The following LIN7C variants were observed in gnomAD, a reference collection of about 807,000 sequenced individuals.
LIN7C encodes the protein protein lin-7 homolog C.
In LIN7C, 17 loss-of-function variants were observed where a neutral mutation model predicts 24.7. The ratio of observed to expected loss-of-function variants is 0.69; its 90% CI spans 0.47 to 1.03. The LOEUF (loss-of-function observed/expected upper bound fraction) is 1.03, where lower values mean the gene tolerates loss of function less well. Among genes scored for constraint, LIN7C ranks in the 50% least tolerant of loss-of-function variants. The pLI is 0.00. For synonymous variants in LIN7C, 90 were observed against 83.4 expected (o/e 1.08, Z -0.43); for missense variants, 204 against 239.0 (o/e 0.85, Z 0.97).
intron 4 of LIN7C, 42 bp from the exon 5 acceptor site, chr11:27,498,846 G>A: frequency 6.4e-7 from 1 of 1,554,446 alleles, no homozygotes; most frequent in Non-Finnish European, 8.7e-7. Context: ...TAATATCTAA[G>A]TTTTGAAAGT....
At chr11:27,504,106 C>T (rs887564468) in intron 1 of LIN7C, among the ~76,000 whole-genome samples, 1 of 152,178 alleles carries the variant, frequency 6.6e-6, no homozygotes, top group African/African-American at 2.4e-5. Context: ...GCGTGAGCCA[C>T]TGCGCCTGGC....
At chr11:27,506,507 T>G (rs780573647) in intron 1 of LIN7C, among the ~76,000 whole-genome samples, 1 of 152,170 alleles carries the variant, frequency 6.6e-6, no homozygotes, top group East Asian at 1.9e-4. Flanking sequence ...GAACAGTCCG[T>G]GTGAACAGAG....
intron 1 of LIN7C, 118 bp from the exon 2 acceptor site, chr11:27,502,038 A>G (rs1590442539): frequency 1.4e-5 from 9 of 632,644 alleles, no homozygotes; most frequent in East Asian, 1.1e-4. Context: ...AATCGAGGGG[A>G]AAAAAAGCAT....
chr11:27,506,636 G>C, intron 1 of LIN7C, 80 bp downstream of exon 1: 1 of 1,506,256 alleles, frequency 6.6e-7, no homozygotes, highest in Non-Finnish European at 9.2e-7. Flanking sequence ...TCAGAGCCTG[G>C]GTCACTCCTC....
intron 3 of LIN7C, among the ~76,000 whole-genome samples, chr11:27,500,135 T>A (rs545738349): frequency 9.2e-5 from 14 of 152,288 alleles, no homozygotes; most frequent in African/African-American, 3.4e-4. Flanking sequence ...CACTCTTTTG[T>A]GCAGTCCTGT....
intron 2 of LIN7C, 30 bp from the exon 3 acceptor site, chr11:27,501,596 A>G: frequency 1.3e-6 from 1 of 769,642 alleles, no homozygotes. Context: ...ATCTCAGAAT[A>G]TACCATGCTT....
intron 1 of LIN7C, among the ~76,000 whole-genome samples, chr11:27,504,977 A>G (rs1407436272): frequency 6.6e-6 from 1 of 152,220 alleles, no homozygotes; most frequent in Non-Finnish European, 1.5e-5. Flanking sequence ...ACAGCAAAAA[A>G]CAAAGCCAAG....
chr11:27,494,686 T>A lies in LIN7C; in HGVS notation c.*3963A>T, dbSNP rs1865145759. On this transcript the variant is annotated 3_prime_UTR_variant, in exon 5 of 5. Coordinates refer to ENST00000278193, the MANE Select transcript of LIN7C (RefSeq NM_018362.4). Reference sequence around the variant, plus strand: ...CATCCATTCTGGGTATTACCACAAATTTTAAAAGTAGAAGCATAGCATTTG... The same window carrying A: ...CATCCATTCTGGGTATTACCACAAAATTTAAAAGTAGAAGCATAGCATTTG... The A allele has an allele frequency of 6.6e-6, 1 of 152,218 alleles. No homozygotes were observed. The highest frequency in any genetic ancestry group is 2.4e-5 in the African/African-American group (1 of 41,456). 9.4% of individuals were successfully genotyped at this position (152,218 alleles called of 1,614,324 possible).
intron 1 of LIN7C, among the ~76,000 whole-genome samples, chr11:27,504,110 G>A (rs1184010081): frequency 2.0e-5 from 3 of 152,092 alleles, no homozygotes; most frequent in African/African-American, 7.2e-5. Flanking sequence ...GAGCCACTGC[G>A]CCTGGCCAGA....
At chr11:27,501,435 C>A in intron 3 of LIN7C, 60 bp downstream of exon 3, 1 of 1,008,842 alleles carries the variant, frequency 9.9e-7, no homozygotes, top group South Asian at 1.4e-5. Context: ...TTTAATAACT[C>A]CATATTTTAA....
rs767307714 is a variant in LIN7C, at chr11:27,501,971, C to T, written c.38-51G>A. ...ATTTTCTCCAAGGGTTTTCTCAATG[C>T]CTATGTAACAGTGGGGCAGTTAGGA... is the stretch of plus-strand genomic sequence containing the variant. On this transcript the variant is annotated intron_variant, in intron 1 of 4. Transcript: ENST00000278193. 3.5e-6 allele frequency: 4 copies of T among 1,126,894 alleles called. No individual in the cohort carries two copies. The South Asian group carries it at 3.9e-5, about 11-fold the overall frequency. The allele number at this position is 1,126,894 out of a possible 1,614,324, so 69.8% of individuals were successfully genotyped here. A position where few individuals can be genotyped will look rare whatever the true frequency, so the allele number is the denominator to read the frequency against.
At position 27,498,664 on chromosome 11, in the gene LIN7C, G is replaced by A. The variant is rs757630150; in HGVS notation, c.579C>T (p.Arg193=). The part of the protein sequence containing the change: ...SRFEKMRSAK[R]RQQT The stretch of plus-strand genomic sequence containing the variant: ...TTGAAATGTATTAGGTCTGTTGCCT[G>A]CGTTTTGCTGATCTCATTTTTTCAA... Residue 193 remains arginine (R), a synonymous_variant, in exon 5 of 5, where the codon CGC becomes CGT. Transcript: ENST00000278193. 3 of 1,613,796 alleles carry A rather than the reference G, an allele frequency of 1.9e-6. No homozygotes were observed. Among genetic ancestry groups the A allele is most frequent in the South Asian group, 1.1e-5 (1 of 91,054 alleles).
At chr11:27,499,781 C>T (rs1865205089) in intron 3 of LIN7C, among the ~76,000 whole-genome samples, 1 of 151,626 alleles carries the variant, frequency 6.6e-6, no homozygotes, top group South Asian at 2.1e-4. Flanking sequence ...TGCCACCACG[C>T]CCGGCTAATT....
chr11:27,501,514 C>T lies in LIN7C; in HGVS notation c.209G>A (p.Arg70Lys). The part of the protein sequence containing the change: ...TVDISSSPEV[R>K]ANATAKATVA... ...ATTTACCTTTGCAGTAGCGTTCGCT[C>T]TCACTTCAGGACTGCTACTGATGTC... The change falls in exon 3 of 5, where the codon AGA (arginine) becomes AAA (lysine). Residue 70 changes from arginine to lysine, a missense_variant. By Grantham distance (26) the Arg-to-Lys change is conservative (BLOSUM62 2). Around this residue, in one of 3 missense-constraint regions of LIN7C, gnomAD observed 126 missense variants for 117.8 expected, o/e 1.07. Coordinates refer to ENST00000278193, the MANE Select transcript of LIN7C (RefSeq NM_018362.4). 1.9e-6 allele frequency: 3 copies of T among 1,600,708 alleles called. No individual in the cohort carries two copies. The highest frequency in any genetic ancestry group is 2.5e-6 in the Non-Finnish European group (3 of 1,176,500).
At position 27,494,964 on chromosome 11, in the gene LIN7C, A is replaced by G. The variant is rs1396556315; in HGVS notation, c.*3685T>C. The G allele has an allele frequency of 2.6e-5, 4 of 152,658 alleles. No homozygotes were observed. The highest frequency in any genetic ancestry group is 6.5e-5 in the Admixed American group (1 of 15,286). 9.5% of individuals were successfully genotyped at this position (152,658 alleles called of 1,614,324 possible). On this transcript the variant is annotated 3_prime_UTR_variant, in exon 5 of 5. Coordinates refer to ENST00000278193, the MANE Select transcript of LIN7C (RefSeq NM_018362.4). ...TCCTTGATATTTCAATGATCATTCC[A>G]CATTATAAAATATTCACAAACATGT...
intron 1 of LIN7C, among the ~76,000 whole-genome samples, 199 bp from the exon 2 acceptor site, chr11:27,502,119 A>C (rs1865231918): frequency 6.6e-6 from 1 of 152,236 alleles, no homozygotes; most frequent in African/African-American, 2.4e-5. Context: ...TGTAAAATGT[A>C]AGAACACTAA....
rs867881061 is a variant in LIN7C, at chr11:27,498,770, T to G, written c.473A>C (p.Glu158Ala). 6.2e-7 allele frequency: 1 copy of G among 1,614,040 alleles called. No homozygotes were observed. The highest frequency in any genetic ancestry group is 1.7e-5 in the Admixed American group (1 of 60,024). ...CTTTCCTTGTGCGGCTTTCAGCAGTTCTACAGCTTTTTCATGATGTTCTCC... is the reference window on the plus strand; with the variant it reads ...CTTTCCTTGTGCGGCTTTCAGCAGTGCTACAGCTTTTTCATGATGTTCTCC... ...VEGEHHEKAV[E>A]LLKAAQGKVK... is the part of the protein sequence containing the mutation. Residue 158 changes from glutamate to alanine, a missense_variant, in exon 5 of 5, where the codon GAA becomes GCA. Glu to Ala is a moderately radical substitution (Grantham distance 107). This residue lies in a region of LIN7C where 74 missense variants were observed against 99.6 expected (regional missense o/e 0.74). Transcript: ENST00000278193.
rs758799906 is a variant in LIN7C at position 27,499,370 on chromosome 11, C to T, written c.427G>A (p.Val143Ile). ...GLKRGDQLLS[V>I]NGVSVEGEHH... is the part of the protein sequence containing the mutation. ...AAATTCATCCTTACCACTCCATTAA[C>T]AGAGAGGAGTTGATCTCCACGTTTG... The change falls in exon 4 of 5, where the codon GTT becomes ATT. Residue 143 changes from valine (V) to isoleucine (I), a missense_variant. Transcript: ENST00000278193. The T allele has an allele frequency of 1.2e-6, 2 of 1,613,238 alleles. No individual in the cohort carries two copies. The highest frequency in any genetic ancestry group is 1.7e-6 in the Non-Finnish European group (2 of 1,179,218).
Position 27,501,922 on chromosome 11 carries a change from T to G in LIN7C, c.38-2A>C. 3 of 1,544,872 alleles carry G rather than the reference T, an allele frequency of 1.9e-6. No individual in the cohort carries two copies. The highest frequency in any genetic ancestry group is 2.7e-6 in the Non-Finnish European group (3 of 1,117,702). On this transcript the variant is annotated splice_acceptor_variant, in intron 1 of 4. Coordinates refer to ENST00000278193, the MANE Select transcript of LIN7C (RefSeq NM_018362.4). LOFTEE classifies it high-confidence loss of function. The stretch of plus-strand genomic sequence containing the variant: ...ATAATTCAATTGCTCTACAAATATC[T>G]AGAGTTAAACACACACACAGATAAT...
Sources: allele counts gnomAD v4.1 joint callset (sites outside exome capture counted in the v4.1 genomes callset), GRCh38; gene constraint gnomAD v4.1.1; regional missense constraint gnomAD v4.1.1; transcripts MANE v1.5; gene names NCBI Gene and HGNC (gene_info 2026-07-23, HGNC 2026-07-21).